The following RSPRY1 variants were observed in gnomAD, a reference collection of about 807,000 sequenced individuals.
RSPRY1 encodes the protein ring finger and SPRY domain containing 1.
Under a neutral mutation model 73.1 loss-of-function variants are expected in RSPRY1, and 23 were observed. The ratio of observed to expected loss-of-function variants is 0.31; its 90% CI spans 0.23 to 0.45. The LOEUF (loss-of-function observed/expected upper bound fraction) is 0.45, where lower values mean the gene tolerates loss of function less well. RSPRY1 is among the 20% of genes least tolerant of loss of function. The pLI is 1.00. For missense variants in RSPRY1, 448 were observed against 698.7 expected (o/e 0.64, Z 4.05); for synonymous variants, 226 against 251.4 (o/e 0.90, Z 0.95).
intron 3 of RSPRY1, among the ~76,000 whole-genome samples, chr16:57,208,633 C>T (rs1400992628): frequency 6.6e-6 from 1 of 151,910 alleles, no homozygotes; most frequent in Non-Finnish European, 1.5e-5. Context: ...CTCCTGGGCT[C>T]AAGGGATCCT....
intron 2 of RSPRY1, among the ~76,000 whole-genome samples, chr16:57,205,947 T>C (rs1180258271): frequency 6.6e-6 from 1 of 152,216 alleles, no homozygotes; most frequent in African/African-American, 2.4e-5. Context: ...CTAGTAAATT[T>C]AAGTATATAA....
intron 13 of RSPRY1, among the ~76,000 whole-genome samples, chr16:57,232,713 C>T (rs1405507962): frequency 6.6e-6 from 1 of 152,228 alleles, no homozygotes; most frequent in African/African-American, 2.4e-5. Flanking sequence ...TTCCCAAACT[C>T]AGATGGCAAT....
Position 57,187,224 on chromosome 16 carries a change from A to C in RSPRY1, c.-156+773A>C, listed in dbSNP as rs189485104. Reference sequence around the variant, plus strand: ...CAACTGCTTCCGGGCTTATTGCCCGAGTGGGGTGGGGAGAGTCTATCCCAC... The same window carrying C: ...CAACTGCTTCCGGGCTTATTGCCCGCGTGGGGTGGGGAGAGTCTATCCCAC... On this transcript the variant is annotated intron_variant, in intron 1 of 14. Coordinates refer to ENST00000394420, the MANE Select transcript of RSPRY1 (RefSeq NM_133368.3). Among the ~76,000 whole-genome samples the C allele has an allele frequency of 6.8e-4, 104 of 152,202 alleles. 1 individual carries two copies. The East Asian group carries it at 0.017, about 25-fold the overall frequency.
intron 14 of RSPRY1, among the ~76,000 whole-genome samples, chr16:57,237,761 G>C (rs1205264840): frequency 1.3e-5 from 2 of 151,610 alleles, no homozygotes; most frequent in African/African-American, 2.4e-5. Flanking sequence ...ACCCAGGCTT[G>C]AGTGCAGTGG....
chr16:57,230,304 G>A (rs1407405954), intron 11 of RSPRY1, among the ~76,000 whole-genome samples: 2 of 152,160 alleles, frequency 1.3e-5, no homozygotes, highest in African/African-American at 2.4e-5. Flanking sequence ...GAGCCACCTC[G>A]CCCAGCCTGC....
intron 6 of RSPRY1, among the ~76,000 whole-genome samples, chr16:57,214,800 G>A (rs2074909322): frequency 6.6e-6 from 1 of 152,238 alleles, no homozygotes; most frequent in African/African-American, 2.4e-5. Context: ...AGGCTGAGGT[G>A]GGCTGGTCAC....
chr16:57,231,340 A>G lies in RSPRY1; in HGVS notation c.1529+21A>G, dbSNP rs1293179749. The G allele has an allele frequency of 3.8e-6, 6 of 1,594,972 alleles. No individual in the cohort carries two copies. The Admixed American group carries it at 5.2e-5, about 14-fold the overall frequency. The stretch of plus-strand genomic sequence containing the variant: ...CCAAGGTAAGGAATCTGCCCAGGCT[A>G]TCTCCAGACTTTCACATGAATCTTA... On this transcript the variant is annotated intron_variant, in intron 13 of 14. Coordinates refer to ENST00000394420, the MANE Select transcript of RSPRY1 (RefSeq NM_133368.3).
intron 10 of RSPRY1, among the ~76,000 whole-genome samples, chr16:57,222,924 C>G (rs79932158): frequency 0.017 from 2,603 of 152,196 alleles, 59 homozygotes; most frequent in African/African-American, 0.058. Flanking sequence ...ATTTCATCTG[C>G]TCGATGAAAT....
chr16:57,237,685 T>C (rs2075320459), intron 14 of RSPRY1, among the ~76,000 whole-genome samples: 1 of 151,332 alleles, frequency 6.6e-6, no homozygotes, highest in African/African-American at 2.4e-5. Context: ...CTTTATTTTT[T>C]TATTTTTATT....
At chr16:57,190,021 G>A (rs1317722642) in intron 1 of RSPRY1, among the ~76,000 whole-genome samples, 1 of 152,142 alleles carries the variant, frequency 6.6e-6, no homozygotes, top group African/African-American at 2.4e-5. Context: ...TATATAGTTT[G>A]GAGAAAATGT....
chr16:57,217,631 C>A (rs1277878500), intron 8 of RSPRY1, among the ~76,000 whole-genome samples: 2 of 152,258 alleles, frequency 1.3e-5, no homozygotes, highest in East Asian at 1.9e-4. Flanking sequence ...TTTGCAGATA[C>A]CAGGTTAAGC....
At chr16:57,190,318 A>G (rs920405038) in intron 1 of RSPRY1, among the ~76,000 whole-genome samples, 5 of 152,166 alleles carry the variant, frequency 3.3e-5, no homozygotes, top group African/African-American at 1.2e-4. Context: ...GCAGTGAGCC[A>G]CTGCATTCCA....
rs149970301 is a variant in RSPRY1, at chr16:57,231,830, C to G, written c.1529+511C>G. 9.8e-5 allele frequency among the ~76,000 whole-genome samples: 15 copies of G among 152,334 alleles called. No individual in the cohort carries two copies. The East Asian group carries it at 2.5e-3, about 25-fold the overall frequency. ...CAACTGTGTGGCAAAGATGACAACA[C>G]TGTTCCACAACCATCAGTGAATACC... On this transcript the variant is annotated intron_variant, in intron 13 of 14. Transcript: ENST00000394420.
At chr16:57,202,131 G>A (rs570269540) in intron 1 of RSPRY1, among the ~76,000 whole-genome samples, 3 of 152,044 alleles carry the variant, frequency 2.0e-5, no homozygotes, top group East Asian at 1.9e-4. Context: ...AACCAGTCTG[G>A]GGAACATAGC....
At chr16:57,205,347 A>G (rs2074704993) in intron 2 of RSPRY1, 1 of 251,440 alleles carries the variant, frequency 4.0e-6, no homozygotes, top group Non-Finnish European at 7.9e-6. Flanking sequence ...TGTTAATGGT[A>G]CATGCCTGTC....
rs2074788866 is a variant in RSPRY1, at chr16:57,209,292, G to A, written c.516+105G>A. 3 of 742,176 alleles carry A rather than the reference G, an allele frequency of 4.0e-6. No homozygotes were observed. The Admixed American group carries it at 7.2e-5, about 18-fold the overall frequency. The allele number at this position is 742,176 out of a possible 1,614,324, so 46.0% of individuals were successfully genotyped here. On this transcript the variant is annotated intron_variant, in intron 4 of 14. Transcript: ENST00000394420. ...ATTGTGTTTCATCTTTATACATTTGGGGTCTGTTTTATTCAGTATTGATTT... is the reference window on the plus strand; with the variant it reads ...ATTGTGTTTCATCTTTATACATTTGAGGTCTGTTTTATTCAGTATTGATTT...
intron 4 of RSPRY1, among the ~76,000 whole-genome samples, chr16:57,209,758 C>T (rs1235584304): frequency 6.6e-6 from 1 of 152,130 alleles, no homozygotes; most frequent in African/African-American, 2.4e-5. Flanking sequence ...ACTGCAGCTG[C>T]AACCTCCCTA....
At chr16:57,213,574 G>A (rs1055140454) in intron 5 of RSPRY1, among the ~76,000 whole-genome samples, 3 of 152,212 alleles carry the variant, frequency 2.0e-5, no homozygotes, top group Non-Finnish European at 4.4e-5. Flanking sequence ...AAAGTTAACA[G>A]CAAAGTACAG....
chr16:57,226,686 G>T (rs62038962), intron 10 of RSPRY1, among the ~76,000 whole-genome samples: 2,033 of 152,322 alleles, frequency 0.013, 21 homozygotes, highest in Middle Eastern at 0.048. Context: ...CTTGGTTTTG[G>T]TGGGTTTTGG....
Sources: allele counts gnomAD v4.1 joint callset (sites outside exome capture counted in the v4.1 genomes callset), GRCh38; gene constraint gnomAD v4.1.1; transcripts MANE v1.5; gene names NCBI Gene and HGNC (gene_info 2026-07-23, HGNC 2026-07-21).